The following CMTM1 variants were observed in gnomAD, a reference collection of about 807,000 sequenced individuals.
The protein encoded by CMTM1 is CKLF-like MARVEL transmembrane domain-containing protein 1.
In CMTM1, 16 loss-of-function variants were observed where a neutral mutation model predicts 17.8. The observed-to-expected ratio is 0.90, with a 90% CI of 0.61 to 1.37. The LOEUF is 1.37. Among genes scored for constraint, CMTM1 ranks in the 40% most tolerant of loss-of-function variants. The pLI, the probability that CMTM1 is intolerant of heterozygous loss-of-function variation, is 0.00. For synonymous variants in CMTM1, 169 were observed against 154.6 expected, an observed-to-expected ratio of 1.09 and a Z score of -0.69; for missense variants, 354 against 375.6, an observed-to-expected ratio of 0.94 and a Z score of 0.47.
rs2014621645 is a variant in CMTM1 at position 66,578,981 on chromosome 16, G to GC, written c.845dup (p.Gln283AlafsTer37). The GC allele has an allele frequency of 6.2e-7, 1 of 1,613,330 alleles. No homozygotes were observed. The highest frequency in any genetic ancestry group is 8.5e-7 in the Non-Finnish European group (1 of 1,179,966). ...CGCCTACCCCGAAACCGGCCCCGAC[G>GC]CCCCGCAGAGGCCCGCCTGAAGCCA... is the stretch of plus-strand genomic sequence containing the variant. On this transcript the variant is annotated frameshift_variant, in exon 4 of 4. Transcript: ENST00000379500. LOFTEE classifies it low-confidence loss of function (END_TRUNC).
chr16:66,577,165 A>G lies in CMTM1; in HGVS notation c.653A>G (p.Gln218Arg). 6.2e-7 allele frequency: 1 copy of G among 1,613,636 alleles called. No individual in the cohort carries two copies. The highest frequency in any genetic ancestry group is 1.3e-5 in the African/African-American group (1 of 75,044). Residue 218 changes from glutamine (Q) to arginine (R), a missense_variant, in exon 3 of 4, where the codon CAA becomes CGA. Transcript: ENST00000379500. ...TCAGTAGTTGCCATCTTGGCCATGC[A>G]AGAAAAGAAAAGAAGGCATTTACTC... The part of the protein sequence containing the change: ...FLSVVAILAM[Q>R]EKKRRHLLYV...
At position 66,566,703 on chromosome 16, in the gene CMTM1, G is replaced by A. The variant is rs1370991763; in HGVS notation, c.190G>A (p.Ala64Thr). The A allele has an allele frequency of 1.2e-6, 2 of 1,613,976 alleles. No individual in the cohort carries two copies. Among genetic ancestry groups the A allele is most frequent in the East Asian group, 2.2e-5 (1 of 44,876 alleles). Residue 64 changes from alanine (A) to threonine (T), a missense_variant, in exon 1 of 4, where the codon GCA becomes ACA. By Grantham distance (58) the Ala-to-Thr change is moderately conservative. Transcript: ENST00000379500. The surrounding 1 kb of genome is among the most constrained non-coding windows in gnomAD (Gnocchi z 4.9). ...PAVSIRSAQS[A>T]AAARPQGSEG... ...AGTCTCAATTCGCAGTGCGCAGTCC[G>A]CAGCCGCCGCACGTCCCCAAGGCAG...
rs141487623 is a variant in CMTM1, at chr16:66,576,493, C to T, written c.592-611C>T. On this transcript the variant is annotated intron_variant, in intron 2 of 3. Transcript: ENST00000379500. Reference sequence around the variant, plus strand: ...ATGTCGGGGCACACCCAATTCTGGCCATGTTTCAGGAAAGAGCAAAAAACA... The same window carrying T: ...ATGTCGGGGCACACCCAATTCTGGCTATGTTTCAGGAAAGAGCAAAAAACA... Among the ~76,000 whole-genome samples, 517 of 152,152 alleles carry T rather than the reference C, an allele frequency of 3.4e-3. 1 individual carries two copies. The highest frequency in any genetic ancestry group is 0.012 in the African/African-American group (490 of 41,494).
chr16:66,567,393 G>A (rs565475557), intron 1 of CMTM1: 132 of 284,936 alleles, frequency 4.6e-4, no homozygotes, highest in African/African-American at 2.8e-3. Flanking sequence ...ACTTATGAGT[G>A]AGAACATGCA....
chr16:66,568,806 A>C (rs1294591758), intron 1 of CMTM1, among the ~76,000 whole-genome samples: 1 of 151,948 alleles, frequency 6.6e-6, no homozygotes, highest in East Asian at 1.9e-4. Flanking sequence ...GAATTGTTCG[A>C]ACCCAGGAAG....
In CMTM1 at chr16:66,566,469, G is replaced by T; in HGVS notation, c.-45G>T. On this transcript the variant is annotated 5_prime_UTR_variant, in exon 1 of 4. Coordinates refer to ENST00000379500, the MANE Select transcript of CMTM1 (RefSeq NM_052999.4). The surrounding 1 kb of genome is among the most constrained non-coding windows in gnomAD (Gnocchi z 4.9). The stretch of plus-strand genomic sequence containing the variant: ...GCTGGTTCCCAGGGGAGAGCCAGCC[G>T]CTGCCGCGGCACTGGTTCAGACGGC... 2 of 1,520,676 alleles carry T rather than the reference G, an allele frequency of 1.3e-6. No individual in the cohort carries two copies. The allele number at this position is 1,520,676 out of a possible 1,614,324, so 94.2% of individuals were successfully genotyped here.
intron 2 of CMTM1, chr16:66,574,977 G>C (rs1192917016): frequency 1.0e-6 from 1 of 985,292 alleles, no homozygotes; most frequent in Admixed American, 6.1e-5. Context: ...CACTGTACCT[G>C]CCTCAGTCAG....
At chr16:66,569,162 A>G (rs2013104334) in intron 1 of CMTM1, among the ~76,000 whole-genome samples, 1 of 152,222 alleles carries the variant, frequency 6.6e-6, no homozygotes, top group African/African-American at 2.4e-5. Flanking sequence ...CTCCTGAGAG[A>G]TATTTTTTAA....
rs199958360 is a variant in CMTM1 at position 66,566,924 on chromosome 16, A to G, written c.411A>G (p.Gly137=). The G allele has an allele frequency of 5.1e-5, 82 of 1,613,990 alleles. No individual in the cohort carries two copies. The highest frequency in any genetic ancestry group is 6.4e-5 in the Non-Finnish European group (76 of 1,180,032). Residue 137 remains glycine (G), a synonymous_variant, in exon 1 of 4, where the codon GGA becomes GGG. Transcript: ENST00000379500. The surrounding 1 kb of genome is among the most constrained non-coding windows in gnomAD (Gnocchi z 4.9). ...AACGTTTCTCCTTCTCGCCCACTGG[A>G]ATGTTGAAGATCCTGAGACTGGTGA... ...SLKRFSFSPT[G]MLKILRLSLI...
intron 2 of CMTM1, among the ~76,000 whole-genome samples, chr16:66,571,482 T>C (rs776770360): frequency 6.6e-6 from 1 of 152,226 alleles, no homozygotes; most frequent in African/African-American, 2.4e-5. Context: ...CCCAGGTCTA[T>C]CTGACTCTAA....
Position 66,566,963 on chromosome 16 carries a change from G to A in CMTM1, c.432+18G>A, listed in dbSNP as rs1420497655. The A allele has an allele frequency of 2.5e-6, 4 of 1,613,882 alleles. No individual in the cohort carries two copies. Among genetic ancestry groups the A allele is most frequent in the South Asian group, 2.2e-5 (2 of 91,078 alleles). On this transcript the variant is annotated intron_variant, in intron 1 of 3. Coordinates refer to ENST00000379500, the MANE Select transcript of CMTM1 (RefSeq NM_052999.4). The surrounding 1 kb of genome is among the most constrained non-coding windows in gnomAD (Gnocchi z 4.9). Reference sequence around the variant, plus strand: ...TGAGACTGGTGAGCGGAGAGCTGGTGAGACCTAGCTGGGCGGATGTGGCCG... The same window carrying A: ...TGAGACTGGTGAGCGGAGAGCTGGTAAGACCTAGCTGGGCGGATGTGGCCG...
intron 2 of CMTM1, 111 bp downstream of exon 2, chr16:66,570,205 C>A: frequency 1.2e-6 from 1 of 863,142 alleles, no homozygotes; most frequent in Non-Finnish European, 1.8e-6. Context: ...AAGGACATAG[C>A]TGAGCTGTGA....
chr16:66,571,057 T>C (rs919384662), intron 2 of CMTM1: 7 of 437,578 alleles, frequency 1.6e-5, no homozygotes, highest in Non-Finnish European at 3.2e-5. Flanking sequence ...AGAATGTTCC[T>C]TTTGAGCTAA....
chr16:66,568,865 G>A (rs1289826684), intron 1 of CMTM1, among the ~76,000 whole-genome samples: 1 of 148,332 alleles, frequency 6.7e-6, no homozygotes, highest in Non-Finnish European at 1.5e-5. Context: ...CAGCCTGAGC[G>A]ACAGAGCAAG....
intron 2 of CMTM1, chr16:66,574,990 C>A: frequency 1.0e-6 from 1 of 985,454 alleles, no homozygotes; most frequent in Non-Finnish European, 1.2e-6. Context: ...TCAGTCAGGC[C>A]TGCCCACTAT....
At chr16:66,567,154 C>CT (rs58132277) in intron 1 of CMTM1, 32,975 of 545,218 alleles carry the variant, frequency 0.06, 303 homozygotes, top group African/African-American at 0.14. Context: ...CCTATTTTTT[C>CT]TTTTTTTTTT....
At chr16:66,573,377 TAGTGTCAGG>T (rs1393852451) in intron 2 of CMTM1, among the ~76,000 whole-genome samples, 2 of 152,218 alleles carry the variant, frequency 1.3e-5, no homozygotes, top group Non-Finnish European at 2.9e-5. Flanking sequence ...CACTCTAGCC[TAGTGTCAGG>T]TACCAAGATC....
chr16:66,579,060 C>T lies in CMTM1; in HGVS notation c.*59C>T. 6.3e-7 allele frequency: 1 copy of T among 1,578,198 alleles called. No homozygotes were observed. Among genetic ancestry groups the T allele is most frequent in the South Asian group, 1.2e-5 (1 of 86,494 alleles). On this transcript the variant is annotated 3_prime_UTR_variant, in exon 4 of 4. Transcript: ENST00000379500. This position sits in a 1 kb window ranked among gnomAD's most constrained non-coding sequence, Gnocchi z 6.5. ...TGTCGAATCGCTGCCTCCGAGCCCA[C>T]CCCCGAGCTCGCATGCTGTCACCCA...
At chr16:66,571,990 T>C (rs1196236174) in intron 2 of CMTM1, among the ~76,000 whole-genome samples, 1 of 152,220 alleles carries the variant, frequency 6.6e-6, no homozygotes, top group Non-Finnish European at 1.5e-5. Flanking sequence ...AGGCCTTTGG[T>C]CAACTCCAAT....
Sources: allele counts gnomAD v4.1 joint callset (sites outside exome capture counted in the v4.1 genomes callset), GRCh38; gene constraint gnomAD v4.1.1; non-coding constraint Gnocchi (gnomAD v3.1); transcripts MANE v1.5; gene names NCBI Gene and HGNC (gene_info 2026-07-23, HGNC 2026-07-21).